Variants in PDE12 observed in about 807,000 individuals in gnomAD.
The protein encoded by PDE12 is 2',5'-phosphodiesterase 12.
In PDE12, 26 loss-of-function variants were observed where a neutral mutation model predicts 45.4. The observed-to-expected ratio is 0.57, with a 90% CI of 0.42 to 0.79. The LOEUF (loss-of-function observed/expected upper bound fraction) is 0.79, where lower values mean the gene tolerates loss of function less well. Ranked by LOEUF, PDE12 falls within the 30% of genes least tolerant of loss-of-function variation. The probability of loss-of-function intolerance (pLI) is 0.00; values close to 1 mark genes in which losing one functional copy is unlikely to be tolerated. For synonymous variants in PDE12, 283 were observed against 323.9 expected, an observed-to-expected ratio of 0.87 and a Z score of 1.36; for missense variants, 668 against 790.0, an observed-to-expected ratio of 0.85 and a Z score of 1.85.
At chr3:57,602,464 A>G in the PDE12 span, among the ~76,000 whole-genome samples, 1 of 152,316 alleles carries the variant, frequency 6.6e-6, no homozygotes, top group African/African-American at 2.4e-5. Flanking sequence ...TGGTATGTGA[A>G]TTCTGAGTGT....
the PDE12 span, chr3:57,600,792 G>A: frequency 1.3e-5 from 2 of 152,174 alleles, no homozygotes; most frequent in South Asian, 2.1e-4. Flanking sequence ...GGGAGGCCAA[G>A]ATGGGAGACT....
the PDE12 span, among the ~76,000 whole-genome samples, chr3:57,601,906 G>A: frequency 4.6e-5 from 7 of 150,726 alleles, no homozygotes; most frequent in East Asian, 1.9e-4. Context: ...CACCACACCC[G>A]GCTAATTTTT....
chr3:57,649,941 A>ACC, the PDE12 span, among the ~76,000 whole-genome samples: 1 of 145,990 alleles, frequency 6.8e-6, no homozygotes, highest in African/African-American at 2.5e-5. Context: ...ACACACACAC[A>ACC]CCGTGGAATA....
the PDE12 span, among the ~76,000 whole-genome samples, chr3:57,608,977 A>G: frequency 1.3e-5 from 2 of 152,208 alleles, no homozygotes; most frequent in African/African-American, 4.8e-5. Flanking sequence ...TTGATCACAT[A>G]GTTGGAAGTA....
downstream of PDE12, among the ~76,000 whole-genome samples, chr3:57,567,020 G>T (rs2069791348): frequency 6.6e-6 from 1 of 152,014 alleles, no homozygotes; most frequent in Non-Finnish European, 1.5e-5. Flanking sequence ...CAATAAAATT[G>T]ACAATGTGGT....
chr3:57,587,215 A>G, the PDE12 span, among the ~76,000 whole-genome samples: 9 of 148,794 alleles, frequency 6.0e-5, no homozygotes, highest in African/African-American at 2.2e-4. Flanking sequence ...GATACTCTGG[A>G]GGCTGAGGCA....
At chr3:57,615,966 C>T in the PDE12 span, among the ~76,000 whole-genome samples, 3 of 152,014 alleles carry the variant, frequency 2.0e-5, no homozygotes, top group Non-Finnish European at 4.4e-5. Context: ...AATTTCATGT[C>T]CATAAATTTG....
chr3:57,590,314 G>C, the PDE12 span, among the ~76,000 whole-genome samples: 12 of 150,692 alleles, frequency 8.0e-5, no homozygotes, highest in East Asian at 1.0e-3. Context: ...GTGAAACCCT[G>C]TCTCTACTAA....
At chr3:57,594,905 A>C in the PDE12 span, among the ~76,000 whole-genome samples, 1 of 152,192 alleles carries the variant, frequency 6.6e-6, no homozygotes, top group Admixed American at 6.5e-5. Flanking sequence ...TCATGCACAT[A>C]TCTCCCTCGT....
the PDE12 span, among the ~76,000 whole-genome samples, chr3:57,647,916 C>A: frequency 1.3e-5 from 2 of 151,926 alleles, no homozygotes; most frequent in Admixed American, 1.3e-4. Context: ...AGGAGGGTAT[C>A]CATGCAGAAG....
chr3:57,654,880 A>G, the PDE12 span: 1 of 770,282 alleles, frequency 1.3e-6, no homozygotes. Flanking sequence ...TTTCATTCAC[A>G]CTAATAAACG....
Position 57,563,151 on chromosome 3 carries a change from A to G in PDE12, c.*3147A>G, listed in dbSNP as rs934780852. The G allele has an allele frequency of 6.6e-6, 1 of 152,198 alleles. No individual in the cohort carries two copies. Among genetic ancestry groups the G allele is most frequent in the Non-Finnish European group, 1.5e-5 (1 of 68,046 alleles). The allele number at this position is 152,198 out of a possible 1,614,324, so 9.4% of individuals were successfully genotyped here. ...GCATTATTAGTTTATCACAAGACCC[A>G]TGTGACAACTCAGAAAATATTCTCA... On this transcript the variant is annotated 3_prime_UTR_variant, in exon 3 of 3. Coordinates refer to ENST00000311180, the MANE Select transcript of PDE12 (RefSeq NM_177966.7).
chr3:57,650,738 G>C, the PDE12 span, among the ~76,000 whole-genome samples: 1 of 151,260 alleles, frequency 6.6e-6, no homozygotes, highest in Non-Finnish European at 1.5e-5. Flanking sequence ...ATCCAAACCT[G>C]CATCAAAAGG....
the PDE12 span, among the ~76,000 whole-genome samples, chr3:57,617,789 C>T: frequency 6.6e-6 from 1 of 151,812 alleles, no homozygotes; most frequent in East Asian, 1.9e-4. Context: ...ACCCCTTGAG[C>T]CTGGGAGGTC....
Position 57,566,326 on chromosome 3 carries a change from G to C in PDE12, c.*6322G>C, listed in dbSNP as rs2069786525. ...CTGTTGTAGGATGTATCAGGAGTTTGTTTTTATGATGAATGTTCCATCTTA... is the reference window on the plus strand; with the variant it reads ...CTGTTGTAGGATGTATCAGGAGTTTCTTTTTATGATGAATGTTCCATCTTA... On this transcript the variant is annotated 3_prime_UTR_variant, in exon 3 of 3. Coordinates refer to ENST00000311180, the MANE Select transcript of PDE12 (RefSeq NM_177966.7). 1 of 152,162 alleles carries C rather than the reference G, an allele frequency of 6.6e-6. No individual in the cohort carries two copies. 9.4% of individuals were successfully genotyped at this position (152,162 alleles called of 1,614,324 possible).
At chr3:57,596,812 A>G in the PDE12 span, 7 of 457,430 alleles carry the variant, frequency 1.5e-5, no homozygotes, top group Admixed American at 3.6e-5. Flanking sequence ...CCAGCTTTCA[A>G]TAAGATCAAG....
chr3:57,656,359 C>CT, the PDE12 span, among the ~76,000 whole-genome samples: 2 of 151,904 alleles, frequency 1.3e-5, no homozygotes, highest in East Asian at 3.9e-4. Context: ...ACTGTTCCTT[C>CT]TTTTTTTTAA....
the PDE12 span, among the ~76,000 whole-genome samples, chr3:57,589,698 A>T: frequency 6.6e-6 from 1 of 151,676 alleles, no homozygotes; most frequent in African/African-American, 2.4e-5. Flanking sequence ...AGCCTGGGCA[A>T]CAAAGCGAGA....
the PDE12 span, among the ~76,000 whole-genome samples, chr3:57,587,319 CAAAAAAAAAAA>C: frequency 2.2e-5 from 1 of 45,406 alleles, no homozygotes; most frequent in African/African-American, 7.7e-5. Flanking sequence ...AACTCAGTCT[CAAAAAAAAAAA>C]AAAAAAAAAA....
Sources: gnomAD v4.1 joint callset for allele counts (sites outside exome capture counted in the v4.1 genomes callset) on GRCh38, gnomAD v4.1.1 for gene constraint, MANE v1.5 for transcripts, NCBI Gene and HGNC (gene_info 2026-07-23, HGNC 2026-07-21) for gene names.